Variants in AHCYL1 observed in about 807,000 individuals in gnomAD.
AHCYL1 encodes the protein adenosylhomocysteinase like 1, also known as S-adenosylhomocysteine hydrolase-like protein 1.
Under a neutral mutation model 79.3 loss-of-function variants are expected in AHCYL1, and 20 were observed. The ratio of observed to expected loss-of-function variants is 0.25; its 90% confidence interval spans 0.18 to 0.37. The LOEUF is 0.37. Among genes scored for constraint, AHCYL1 ranks in the 10% least tolerant of loss-of-function variants. The pLI is 1.00. For missense variants in AHCYL1, 330 were observed against 673.6 expected, an observed-to-expected ratio of 0.49 and a Z score of 5.65; for synonymous variants, 223 against 242.2, an observed-to-expected ratio of 0.92 and a Z score of 0.74.
intron 14 of AHCYL1, 108 bp downstream of exon 14, chr1:110,019,227 T>C (rs1651632336): frequency 1.7e-6 from 2 of 1,159,438 alleles, no homozygotes; most frequent in South Asian, 1.3e-5. Context: ...CTATTCTTTT[T>C]TGATGTAATA....
At chr1:110,007,796 T>C (rs867180007) in intron 1 of AHCYL1, among the ~76,000 whole-genome samples, 11 of 152,230 alleles carry the variant, frequency 7.2e-5, no homozygotes, top group Admixed American at 2.6e-4. Context: ...CAAACCATCC[T>C]GCTTATTTCA....
intron 1 of AHCYL1, 66 bp from the exon 2 acceptor site, chr1:110,008,968 T>C (rs1557769091): frequency 5.5e-6 from 6 of 1,084,866 alleles, no homozygotes; most frequent in Non-Finnish European, 7.8e-6. Flanking sequence ...AATGTATCCT[T>C]AAAAAAAAAA....
intron 1 of AHCYL1, chr1:109,985,638 A>G: frequency 1.3e-6 from 1 of 790,456 alleles, no homozygotes; most frequent in Non-Finnish European, 1.5e-6. Flanking sequence ...GCAAGAGAAA[A>G]GAATGCGTGA....
intron 1 of AHCYL1, among the ~76,000 whole-genome samples, chr1:109,995,955 C>T (rs548113655): frequency 2.6e-5 from 4 of 152,314 alleles, no homozygotes; most frequent in East Asian, 1.9e-4. Context: ...CACGGTGGCT[C>T]ACGCCTGTAA....
rs371518956 is a variant in AHCYL1, at chr1:109,985,178, G to C, written c.120+6G>C. 4 of 1,606,712 alleles carry C rather than the reference G, an allele frequency of 2.5e-6. No individual in the cohort carries two copies. In the East Asian group the frequency reaches 9.0e-5, roughly 36 times the overall value. On this transcript the variant is annotated splice_donor_region_variant and intron_variant, in intron 1 of 16. Transcript: ENST00000369799. ...TCACCAAGGCGCCCAAGAAGGTGCGGGGGCTCTGGGTGGCGGCGGGGGCTC... is the reference window on the plus strand; with the variant it reads ...TCACCAAGGCGCCCAAGAAGGTGCGCGGGCTCTGGGTGGCGGCGGGGGCTC...
At chr1:109,994,986 A>G (rs991613591) in intron 1 of AHCYL1, among the ~76,000 whole-genome samples, 2 of 152,222 alleles carry the variant, frequency 1.3e-5, no homozygotes, top group African/African-American at 4.8e-5. Context: ...AGTCCAAGGA[A>G]AATGCATCTT....
At position 109,985,143 on chromosome 1, in the gene AHCYL1, A is replaced by C; in HGVS notation, c.91A>C (p.Met31Leu). 1 of 1,610,576 alleles carries C rather than the reference A, an allele frequency of 6.2e-7. No homozygotes were observed. Among genetic ancestry groups the C allele is most frequent in the Non-Finnish European group, 8.5e-7 (1 of 1,178,778 alleles). The part of the protein sequence containing the change: ...EIEDAEKYSF[M>L]ATVTKAPKKQ... Reference sequence around the variant, plus strand: ...CGAGGACGCCGAGAAGTACTCCTTCATGGCCACCGTCACCAAGGCGCCCAA... The same window carrying C: ...CGAGGACGCCGAGAAGTACTCCTTCCTGGCCACCGTCACCAAGGCGCCCAA... The change falls in exon 1 of 17, where the codon ATG (methionine) becomes CTG (leucine). Residue 31 changes from methionine to leucine, a missense_variant. Physicochemically the swap from Met to Leu is conservative, Grantham distance 15. This residue lies in a region of AHCYL1 where 66 missense variants were observed against 68.0 expected (regional missense o/e 0.97). Coordinates refer to ENST00000369799, the MANE Select transcript of AHCYL1 (RefSeq NM_006621.7).
chr1:110,021,587 C>T, intron 16 of AHCYL1, 87 bp from the exon 17 acceptor site: 4 of 1,400,092 alleles, frequency 2.9e-6, no homozygotes, highest in Non-Finnish European at 4.0e-6. Flanking sequence ...GGGAGGGGCC[C>T]TGGAGAAGGT....
chr1:109,991,948 A>G (rs1649779828), intron 1 of AHCYL1, among the ~76,000 whole-genome samples: 1 of 152,228 alleles, frequency 6.6e-6, no homozygotes, highest in African/African-American at 2.4e-5. Flanking sequence ...CCTTTGGGAC[A>G]TAGGTTTCCA....
chr1:110,017,707 T>C lies in AHCYL1; in HGVS notation c.1052+124T>C, dbSNP rs571582737. 1.6e-5 allele frequency: 18 copies of C among 1,097,578 alleles called. No individual in the cohort carries two copies. The East Asian group carries it at 3.9e-4, about 24-fold the overall frequency. 68.0% of individuals were successfully genotyped at this position (1,097,578 alleles called of 1,614,324 possible). Reference sequence around the variant, plus strand: ...TAGGGGAAGAGAAGGCTAGGACTGCTCTGTTCTTCTCACTCTAACCCTAGG... The same window carrying C: ...TAGGGGAAGAGAAGGCTAGGACTGCCCTGTTCTTCTCACTCTAACCCTAGG... On this transcript the variant is annotated intron_variant, in intron 10 of 16. Coordinates refer to ENST00000369799, the MANE Select transcript of AHCYL1 (RefSeq NM_006621.7).
At chr1:110,003,194 GTTAATA>G (rs1199063102) in intron 1 of AHCYL1, among the ~76,000 whole-genome samples, 6 of 152,078 alleles carry the variant, frequency 3.9e-5, no homozygotes, top group South Asian at 4.1e-4. Context: ...TAGAATAATT[GTTAATA>G]TTAAGTGTGA....
chr1:109,990,352 A>C (rs1297500429), intron 1 of AHCYL1, among the ~76,000 whole-genome samples: 2 of 152,172 alleles, frequency 1.3e-5, no homozygotes, highest in African/African-American at 4.8e-5. Flanking sequence ...TTTTGTACCT[A>C]GAGTGACCAT....
At chr1:110,018,809 T>TA (rs896867739) in intron 13 of AHCYL1, 159 bp downstream of exon 13, 63 of 802,406 alleles carry the variant, frequency 7.9e-5, no homozygotes, top group Non-Finnish European at 9.9e-5. Flanking sequence ...AAAACCACTT[T>TA]AAAAAAATCT....
At chr1:110,011,072 G>T in intron 2 of AHCYL1, 142 bp from the exon 3 acceptor site, 3 of 1,025,606 alleles carry the variant, frequency 2.9e-6, no homozygotes, top group Non-Finnish European at 4.2e-6. Flanking sequence ...ACCTAGAGGA[G>T]CAGAACTGAG....
intron 1 of AHCYL1, among the ~76,000 whole-genome samples, chr1:109,992,658 T>A (rs1422832192): frequency 6.6e-6 from 1 of 152,184 alleles, no homozygotes; most frequent in East Asian, 1.9e-4. Flanking sequence ...GATAGAGAAT[T>A]GGAATATGCT....
rs200101155 is a variant in AHCYL1 at position 110,013,805 on chromosome 1, T to TC, written c.580+806_580+807insC. On this transcript the variant is annotated intron_variant, in intron 5 of 16. Transcript: ENST00000369799. ...TGAGGACCTCTCATCTTTCTTTCTT[T>TC]TTTTTTTTTTCTTAAGATGGAGTCT... Among the ~76,000 whole-genome samples, 1,093 of 150,914 alleles carry TC rather than the reference T, an allele frequency of 7.2e-3. 23 individuals carry two copies. The highest frequency in any genetic ancestry group is 0.025 in the African/African-American group (1,035 of 41,026).
In AHCYL1 at chr1:110,017,588, G is replaced by C; in HGVS notation, c.1052+5G>C. 6.2e-7 allele frequency: 1 copy of C among 1,612,666 alleles called. No homozygotes were observed. The highest frequency in any genetic ancestry group is 1.3e-5 in the African/African-American group (1 of 74,986). ...CATCTGTGCTCTGCAGGCCTGGTAAGAACAGAGTGATAATACTATTAGATT... is the reference window on the plus strand; with the variant it reads ...CATCTGTGCTCTGCAGGCCTGGTAACAACAGAGTGATAATACTATTAGATT... On this transcript the variant is annotated splice_donor_5th_base_variant and intron_variant, in intron 10 of 16. Coordinates refer to ENST00000369799, the MANE Select transcript of AHCYL1 (RefSeq NM_006621.7).
At chr1:109,997,540 T>C in intron 1 of AHCYL1, among the ~76,000 whole-genome samples, 1 of 152,104 alleles carries the variant, frequency 6.6e-6, no homozygotes. Flanking sequence ...TACCAAATAG[T>C]ACCCGGGATA....
At chr1:110,007,880 C>T (rs148787129) in intron 1 of AHCYL1, among the ~76,000 whole-genome samples, 1 of 152,150 alleles carries the variant, frequency 6.6e-6, no homozygotes, top group African/African-American at 2.4e-5. Context: ...AAGGTTTAAA[C>T]CATGTAATAA....
Sources: gnomAD v4.1 joint callset for allele counts (sites outside exome capture counted in the v4.1 genomes callset) on GRCh38, gnomAD v4.1.1 for gene constraint, gnomAD v4.1.1 regional missense constraint, MANE v1.5 for transcripts, NCBI Gene and HGNC (gene_info 2026-07-23, HGNC 2026-07-21) for gene names.